The following FOXN3 variants were observed in gnomAD, a reference collection of about 807,000 sequenced individuals.
FOXN3 encodes the protein forkhead box N3, also known as forkhead box protein N3.
Under a neutral mutation model 38.4 loss-of-function variants are expected in FOXN3, and 7 were observed. The ratio of observed to expected loss-of-function variants is 0.18; its 90% confidence interval spans 0.10 to 0.34. The LOEUF (loss-of-function observed/expected upper bound fraction) is 0.34. FOXN3 is among the 10% of genes least tolerant of loss of function. FOXN3 has a pLI of 1.00. For missense variants in FOXN3, 456 were observed against 613.4 expected, an observed-to-expected ratio of 0.74 and a Z score of 2.71; for synonymous variants, 230 against 242.2, an observed-to-expected ratio of 0.95 and a Z score of 0.47.
chr14:89,245,476 GAA>G (rs11302539), intron 4 of FOXN3, among the ~76,000 whole-genome samples: 56 of 148,548 alleles, frequency 3.8e-4, no homozygotes, highest in African/African-American at 8.1e-4. Flanking sequence ...AGGCATTGGA[GAA>G]AAAAAAAAAA....
intron 2 of FOXN3, among the ~76,000 whole-genome samples, chr14:89,368,095 G>T (rs546405127): frequency 2.0e-5 from 3 of 149,706 alleles, no homozygotes; most frequent in Admixed American, 6.6e-5. Flanking sequence ...TTGGGAGGCC[G>T]AGGCGGGTGA....
chr14:89,541,567 TATC>T (rs1437972680), intron 1 of FOXN3, among the ~76,000 whole-genome samples: 1 of 152,220 alleles, frequency 6.6e-6, no homozygotes, highest in Non-Finnish European at 1.5e-5. Flanking sequence ...TTGTTTAGCA[TATC>T]ATCAAGAAAT....
At chr14:89,524,479 T>C (rs1200700179) in intron 1 of FOXN3, among the ~76,000 whole-genome samples, 1 of 99,436 alleles carries the variant, frequency 1.0e-5, no homozygotes, top group African/African-American at 3.6e-5. Flanking sequence ...AGAATGGAAA[T>C]AAATATAAAA....
chr14:89,526,858 T>A (rs1596307840), intron 1 of FOXN3, among the ~76,000 whole-genome samples: 1 of 152,172 alleles, frequency 6.6e-6, no homozygotes, highest in East Asian at 1.9e-4. Context: ...AACACTATAA[T>A]GATCAAGACA....
At chr14:89,189,556 T>A (rs1887892875) in intron 4 of FOXN3, among the ~76,000 whole-genome samples, 1 of 152,242 alleles carries the variant, frequency 6.6e-6, no homozygotes, top group Non-Finnish European at 1.5e-5. Flanking sequence ...GTCTGTGTGT[T>A]CAACAGGGTT....
At chr14:89,501,815 T>C (rs1893805879) in intron 1 of FOXN3, among the ~76,000 whole-genome samples, 1 of 147,676 alleles carries the variant, frequency 6.8e-6, no homozygotes, top group Non-Finnish European at 1.5e-5. Context: ...ACCATTGCAC[T>C]CCAGCCCGGG....
At chr14:89,485,349 C>G (rs1893425958) in intron 1 of FOXN3, among the ~76,000 whole-genome samples, 1 of 152,092 alleles carries the variant, frequency 6.6e-6, no homozygotes, top group African/African-American at 2.4e-5. Flanking sequence ...GCTTTCAGAA[C>G]TCTCTGGATG....
At chr14:89,314,626 C>T (rs796969667) in intron 3 of FOXN3, among the ~76,000 whole-genome samples, 3 of 152,286 alleles carry the variant, frequency 2.0e-5, no homozygotes, top group South Asian at 4.1e-4. Flanking sequence ...TAATAAGTGT[C>T]GTGCAACACA....
At chr14:89,184,699 G>A (rs1371288039) in intron 4 of FOXN3, among the ~76,000 whole-genome samples, 12 of 152,248 alleles carry the variant, frequency 7.9e-5, no homozygotes, top group African/African-American at 2.9e-4. Flanking sequence ...ACTGGTGAAG[G>A]AGGCTTAAAC....
intron 1 of FOXN3, among the ~76,000 whole-genome samples, chr14:89,597,316 T>C (rs887401866): frequency 6.6e-6 from 1 of 152,214 alleles, no homozygotes; most frequent in Non-Finnish European, 1.5e-5. Context: ...GAAAATATAC[T>C]CTATGATTTC....
intron 1 of FOXN3, among the ~76,000 whole-genome samples, chr14:89,426,948 A>AG (rs143839030): frequency 0.032 from 4,798 of 152,048 alleles, 258 homozygotes; most frequent in African/African-American, 0.1. Context: ...ATAGAAGAGG[A>AG]GGGCCGGGCG....
At chr14:89,333,749 T>TA (rs57491119) in intron 3 of FOXN3, among the ~76,000 whole-genome samples, 2,613 of 56,758 alleles carry the variant, frequency 0.046, 372 homozygotes, top group African/African-American at 0.13. Flanking sequence ...GAGAGACTAT[T>TA]AAAAAAAAAA....
intron 1 of FOXN3, among the ~76,000 whole-genome samples, chr14:89,440,393 C>T (rs920823639): frequency 9.2e-5 from 14 of 152,144 alleles, no homozygotes; most frequent in African/African-American, 3.1e-4. Flanking sequence ...GCCAAGCCAT[C>T]GCATCCCCTG....
chr14:89,338,531 C>T (rs1394481355), intron 3 of FOXN3, among the ~76,000 whole-genome samples: 1 of 152,150 alleles, frequency 6.6e-6, no homozygotes, highest in Admixed American at 6.5e-5. Context: ...CGGTGGCTCA[C>T]GCCTGTAATC....
intron 1 of FOXN3, among the ~76,000 whole-genome samples, chr14:89,501,253 A>AT (rs776897431): frequency 4.6e-5 from 7 of 152,254 alleles, no homozygotes; most frequent in Non-Finnish European, 2.9e-5. Flanking sequence ...TAAACCATTT[A>AT]TATTAGTGGG....
chr14:89,511,468 A>AC (rs1265531479), intron 1 of FOXN3, among the ~76,000 whole-genome samples: 6 of 151,284 alleles, frequency 4.0e-5, no homozygotes, highest in Non-Finnish European at 8.8e-5. Context: ...AACTTTAAAA[A>AC]TTTTTTTGTA....
At chr14:89,325,822 G>A (rs1280171255) in intron 3 of FOXN3, among the ~76,000 whole-genome samples, 1 of 152,182 alleles carries the variant, frequency 6.6e-6, no homozygotes, top group Non-Finnish European at 1.5e-5. Flanking sequence ...TGCCCCTGGG[G>A]GCTCAATGAA....
At chr14:89,561,757 C>A (rs1895253386) in intron 1 of FOXN3, among the ~76,000 whole-genome samples, 2 of 152,260 alleles carry the variant, frequency 1.3e-5, no homozygotes, top group South Asian at 4.1e-4. Context: ...AATAACATGA[C>A]TCTTCCTCCT....
At chr14:89,317,404 C>T (rs1332154237) in intron 3 of FOXN3, among the ~76,000 whole-genome samples, 2 of 152,170 alleles carry the variant, frequency 1.3e-5, no homozygotes, top group Non-Finnish European at 2.9e-5. Flanking sequence ...TCTGAGAGTT[C>T]CTTCTACCTC....
Sources: gnomAD v4.1 joint callset for allele counts (sites outside exome capture counted in the v4.1 genomes callset) on GRCh38, gnomAD v4.1.1 for gene constraint, MANE v1.5 for transcripts, NCBI Gene and HGNC (gene_info 2026-07-23, HGNC 2026-07-21) for gene names.